The following GPR180 variants were observed in gnomAD, a reference collection of about 807,000 sequenced individuals.
GPR180 encodes the protein integral membrane protein GPR180.
Under a neutral mutation model 52.6 loss-of-function variants are expected in GPR180, and 53 were observed. The ratio of observed to expected loss-of-function variants is 1.01; its 90% CI spans 0.81 to 1.27. The LOEUF (loss-of-function observed/expected upper bound fraction) is 1.27. GPR180 is among the 50% of genes most tolerant of loss of function. GPR180 has a pLI of 0.00. For synonymous variants in GPR180, 200 were observed against 193.1 expected, an observed-to-expected ratio of 1.04 and a Z score of -0.30; for missense variants, 533 against 527.0, an observed-to-expected ratio of 1.01 and a Z score of -0.11.
chr13:94,613,708 C>T lies in GPR180; in HGVS notation c.505+1318C>T, dbSNP rs537677318. 6.1e-4 allele frequency among the ~76,000 whole-genome samples: 93 copies of T among 152,210 alleles called. 2 individuals are homozygous for T. The Middle Eastern group carries it at 0.017, about 28-fold the overall frequency. ...GGTTAAATTTCATTAATGATACTTT[C>T]GACTAGTATAGATCATTATTGGAAG... On this transcript the variant is annotated intron_variant, in intron 3 of 8. Transcript: ENST00000376958.
At chr13:94,602,188 C>G (rs982926396) in intron 1 of GPR180, 116 bp downstream of exon 1, 6 of 963,660 alleles carry the variant, frequency 6.2e-6, no homozygotes, top group Non-Finnish European at 8.2e-6. Flanking sequence ...GGCGACTTCC[C>G]CAGCCTCACC....
chr13:94,621,144 T>C lies in GPR180; in HGVS notation c.803T>C (p.Ile268Thr). The C allele has an allele frequency of 6.2e-7, 1 of 1,612,758 alleles. No individual in the cohort carries two copies. Among genetic ancestry groups the C allele is most frequent in the Non-Finnish European group, 8.5e-7 (1 of 1,179,696 alleles). ...LLLSLCMGWT[I>T]VRMKKSQSRP... Reference sequence around the variant, plus strand: ...TTGAGTCTATGCATGGGTTGGACAATAGTCAGAATGAAGAAGTCTCAAAGC... The same window carrying C: ...TTGAGTCTATGCATGGGTTGGACAACAGTCAGAATGAAGAAGTCTCAAAGC... Residue 268 changes from isoleucine to threonine, a missense_variant, in exon 6 of 9, where the codon ATA becomes ACA. Coordinates refer to ENST00000376958, the MANE Select transcript of GPR180 (RefSeq NM_180989.6).
intron 8 of GPR180, 75 bp downstream of exon 8, chr13:94,626,118 G>A (rs1889925750): frequency 1.1e-6 from 1 of 926,284 alleles, no homozygotes. Context: ...TTAAATAGGA[G>A]GGACCTATTT....
rs538454920 is a variant in GPR180 at position 94,627,297 on chromosome 13, T to C, written c.*126T>C. ...AACAGCGAAAGCAGAGCATGTTATT[T>C]ATATAACTGCATTTAAGCAGTACCA... is the stretch of plus-strand genomic sequence containing the variant. On this transcript the variant is annotated 3_prime_UTR_variant, in exon 9 of 9. Transcript: ENST00000376958. 2.7e-4 allele frequency: 193 copies of C among 724,024 alleles called. 2 individuals are homozygous for C. In the South Asian group the frequency reaches 3.3e-3, roughly 13 times the overall value. 44.8% of individuals were successfully genotyped at this position (724,024 alleles called of 1,614,324 possible). A position where few individuals can be genotyped will look rare whatever the true frequency, so the allele number is the denominator to read the frequency against.
intron 7 of GPR180, 33 bp downstream of exon 7, chr13:94,623,333 A>T (rs1278602581): frequency 6.6e-7 from 1 of 1,511,412 alleles, no homozygotes; most frequent in African/African-American, 1.4e-5. Context: ...GTTTATTCTG[A>T]TTATCCACTT....
In GPR180 at chr13:94,628,430, A is replaced by C. The variant is rs1301038683; in HGVS notation, c.*1259A>C. 6.6e-6 allele frequency: 1 copy of C among 152,084 alleles called. No individual in the cohort carries two copies. Among genetic ancestry groups the C allele is most frequent in the Non-Finnish European group, 1.5e-5 (1 of 67,936 alleles). 9.4% of individuals were successfully genotyped at this position (152,084 alleles called of 1,614,324 possible). A position where few individuals can be genotyped will look rare whatever the true frequency, so the allele number is the denominator to read the frequency against. ...TTTTTACTTCTGGCTTATTTTAAAA[A>C]TATTTTTTATCTATTTACTGTGTGT... On this transcript the variant is annotated 3_prime_UTR_variant, in exon 9 of 9. Coordinates refer to ENST00000376958, the MANE Select transcript of GPR180 (RefSeq NM_180989.6).
rs1209102078 is a variant in GPR180 at position 94,629,716 on chromosome 13, C to CCTCA, written c.*2546_*2549dup. ...AACATGCGCTTGAATATCTGTAAGA[C>CCTCA]CTCAGCACACTTCAGTATTTGAACC... On this transcript the variant is annotated 3_prime_UTR_variant, in exon 9 of 9. Transcript: ENST00000376958. 3.3e-5 allele frequency: 5 copies of CCTCA among 152,190 alleles called. No homozygotes were observed. The highest frequency in any genetic ancestry group is 3.3e-4 in the Admixed American group (5 of 15,288). The allele number at this position is 152,190 out of a possible 1,614,324, so 9.4% of individuals were successfully genotyped here. A position where few individuals can be genotyped will look rare whatever the true frequency, so the allele number is the denominator to read the frequency against.
Position 94,605,461 on chromosome 13 carries a change from C to T in GPR180, c.216C>T (p.Tyr72=). 1.2e-6 allele frequency: 2 copies of T among 1,614,058 alleles called. No homozygotes were observed. The highest frequency in any genetic ancestry group is 1.7e-6 in the Non-Finnish European group (2 of 1,179,924). The change falls in exon 2 of 9, where the codon TAC becomes TAT. Residue 72 remains tyrosine (Y), a synonymous_variant. Coordinates refer to ENST00000376958, the MANE Select transcript of GPR180 (RefSeq NM_180989.6). ...CTGTTGGAAAAGAAGCTAAACTCTA[C>T]CTGTTCCAAGCCCAGGAATGGCTAA... is the stretch of plus-strand genomic sequence containing the variant. ...AVAVGKEAKL[Y]LFQAQEWLKL...
Position 94,631,584 on chromosome 13 carries a change from T to C in GPR180, c.*4413T>C, listed in dbSNP as rs1435859990. 2 of 148,724 alleles carry C rather than the reference T, an allele frequency of 1.3e-5. No homozygotes were observed. The highest frequency in any genetic ancestry group is 5.0e-5 in the African/African-American group (2 of 40,050). 9.2% of individuals were successfully genotyped at this position (148,724 alleles called of 1,614,324 possible). A position where few individuals can be genotyped will look rare whatever the true frequency, so the allele number is the denominator to read the frequency against. On this transcript the variant is annotated 3_prime_UTR_variant, in exon 9 of 9. Coordinates refer to ENST00000376958, the MANE Select transcript of GPR180 (RefSeq NM_180989.6). ...TAAGTGAGTTTGTCTCTATTGTTCATTGCTGTATGCCTAATACTAGGACAC... is the reference window on the plus strand; with the variant it reads ...TAAGTGAGTTTGTCTCTATTGTTCACTGCTGTATGCCTAATACTAGGACAC...
In GPR180 at chr13:94,602,025, C is replaced by T; in HGVS notation, c.98C>T (p.Ala33Val). 6.9e-7 allele frequency: 1 copy of T among 1,456,904 alleles called. No individual in the cohort carries two copies. Among genetic ancestry groups the T allele is most frequent in the Non-Finnish European group, 9.1e-7 (1 of 1,104,734 alleles). The allele number at this position is 1,456,904 out of a possible 1,614,324, so 90.2% of individuals were successfully genotyped here. A position where few individuals can be genotyped will look rare whatever the true frequency, so the allele number is the denominator to read the frequency against. The change falls in exon 1 of 9, where the codon GCG (alanine) becomes GTG (valine). Residue 33 changes from alanine (A) to valine (V), a missense_variant. Transcript: ENST00000376958. Reference sequence around the variant, plus strand: ...CTGCGGGGCAGCTTCAGCAGCACCGCGGCCCAGGACGCCCAGGGCCAGCGC... The same window carrying T: ...CTGCGGGGCAGCTTCAGCAGCACCGTGGCCCAGGACGCCCAGGGCCAGCGC... ...KTLRGSFSST[A>V]AQDAQGQRIG...
intron 7 of GPR180, among the ~76,000 whole-genome samples, chr13:94,623,801 G>C (rs1204874422): frequency 6.6e-6 from 1 of 151,466 alleles, no homozygotes; most frequent in Non-Finnish European, 1.5e-5. Flanking sequence ...TATTTTACAA[G>C]ACCTGTGAGA....
intron 3 of GPR180, among the ~76,000 whole-genome samples, chr13:94,618,551 G>A (rs1889810426): frequency 6.7e-6 from 1 of 149,988 alleles, no homozygotes; most frequent in Non-Finnish European, 1.5e-5. Context: ...CCAGAGCTGT[G>A]GTCCTCATGT....
rs1469366263 is a variant in GPR180, at chr13:94,619,154, A to G, written c.510A>G (p.Leu170=). 1 of 1,613,508 alleles carries G rather than the reference A, an allele frequency of 6.2e-7. No homozygotes were observed. Among genetic ancestry groups the G allele is most frequent in the Admixed American group, 1.7e-5 (1 of 59,958 alleles). The change falls in exon 4 of 9, where the codon TTA becomes TTG. Residue 170 remains leucine, a synonymous_variant. Transcript: ENST00000376958. ...CTCCCTTTCTTCTCTTCACAGGGTT[A>G]CATGAGTTCTTTTTCCTCCTAGTCC... ...FDHFSAGESG[L]HEFFFLLVLV... is the part of the protein sequence containing the mutation.
At position 94,632,414 on chromosome 13, in the gene GPR180, T is replaced by C. The variant is rs781307344; in HGVS notation, c.*5243T>C. On this transcript the variant is annotated 3_prime_UTR_variant, in exon 9 of 9. Transcript: ENST00000376958. The stretch of plus-strand genomic sequence containing the variant: ...AAATTATAGCATAACATACAGACTT[T>C]TGCACATTCAGCAATTTATTCTGTA... The C allele has an allele frequency of 6.6e-6, 1 of 152,206 alleles. No homozygotes were observed. The highest frequency in any genetic ancestry group is 1.5e-5 in the Non-Finnish European group (1 of 68,038). The allele number at this position is 152,206 out of a possible 1,614,324, so 9.4% of individuals were successfully genotyped here.
intron 5 of GPR180, among the ~76,000 whole-genome samples, chr13:94,620,348 CATAAA>C (rs983685622): frequency 1.9e-4 from 29 of 152,304 alleles, no homozygotes; most frequent in African/African-American, 7.0e-4. Flanking sequence ...AATGCTACCT[CATAAA>C]ATAAATATAT....
At chr13:94,607,692 A>C (rs1215411525) in intron 2 of GPR180, among the ~76,000 whole-genome samples, 1 of 152,034 alleles carries the variant, frequency 6.6e-6, no homozygotes, top group African/African-American at 2.4e-5. Flanking sequence ...TGTTTCATGT[A>C]CTGCTAGGTA....
chr13:94,625,810 A>C (rs1889921112), intron 7 of GPR180, among the ~76,000 whole-genome samples, 156 bp from the exon 8 acceptor site: 1 of 152,198 alleles, frequency 6.6e-6, no homozygotes, highest in Non-Finnish European at 1.5e-5. Flanking sequence ...ATGTCACAGC[A>C]ACAGTAAATT....
chr13:94,621,815 A>G (rs1330094178), intron 6 of GPR180, among the ~76,000 whole-genome samples: 1 of 152,090 alleles, frequency 6.6e-6, no homozygotes, highest in Non-Finnish European at 1.5e-5. Flanking sequence ...ATTTTCCTCT[A>G]TATTAATAGT....
At chr13:94,623,436 A>G (rs985764428) in intron 7 of GPR180, 136 bp downstream of exon 7, 2 of 650,504 alleles carry the variant, frequency 3.1e-6, no homozygotes, top group Non-Finnish European at 5.1e-6. Flanking sequence ...CTATAATCCC[A>G]GTGCTTTGGA....
Sources: allele counts gnomAD v4.1 joint callset (sites outside exome capture counted in the v4.1 genomes callset), GRCh38; gene constraint gnomAD v4.1.1; transcripts MANE v1.5; gene names NCBI Gene and HGNC (gene_info 2026-07-23, HGNC 2026-07-21).